MIB1: variants seen among roughly 807,000 people sequenced by gnomAD.
The protein encoded by MIB1 is E3 ubiquitin-protein ligase MIB1.
In MIB1, 278 loss-of-function variants were observed where a neutral mutation model predicts 124.5. The observed-to-expected ratio is 2.23, with a 90% confidence interval of 2.02 to 2.47. The LOEUF is 2.47. Ranked by LOEUF, MIB1 falls within the 30% of genes most tolerant of loss-of-function variation. The probability of loss-of-function intolerance (pLI) is 0.00; values close to 1 mark genes in which losing one functional copy is unlikely to be tolerated. For missense variants in MIB1, 957 were observed against 1,254.4 expected, an observed-to-expected ratio of 0.76 and a Z score of 3.58; for synonymous variants, 446 against 429.4, an observed-to-expected ratio of 1.04 and a Z score of -0.48.
chr18:21,752,310 T>C (rs2040983768), intron 1 of MIB1, among the ~76,000 whole-genome samples: 1 of 152,204 alleles, frequency 6.6e-6, no homozygotes, highest in South Asian at 2.1e-4. Flanking sequence ...ATTACTGAAA[T>C]GTTACATGCT....
chr18:21,815,166 G>C (rs1488047253), intron 10 of MIB1, among the ~76,000 whole-genome samples: 1 of 149,162 alleles, frequency 6.7e-6, no homozygotes, highest in African/African-American at 2.5e-5. Context: ...CAGTTTCTAG[G>C]TTTTAAAAAA....
intron 9 of MIB1, 122 bp downstream of exon 9, chr18:21,800,096 G>C (rs1404447790): frequency 2.6e-6 from 2 of 757,798 alleles, no homozygotes; most frequent in Admixed American, 3.1e-5. Flanking sequence ...TCTTGTTTTT[G>C]TGAAGTATTT....
chr18:21,711,630 T>C (rs1294514756), intron 1 of MIB1, among the ~76,000 whole-genome samples: 1 of 152,094 alleles, frequency 6.6e-6, no homozygotes, highest in African/African-American at 2.4e-5. Flanking sequence ...CTAAAGAGGA[T>C]AAAGCCGATG....
At chr18:21,793,495 T>A (rs1171953522) in intron 7 of MIB1, among the ~76,000 whole-genome samples, 1 of 152,090 alleles carries the variant, frequency 6.6e-6, no homozygotes, top group Non-Finnish European at 1.5e-5. Context: ...AGTGAAAGTA[T>A]ATCAGGCCAG....
chr18:21,843,139 A>G lies in MIB1; in HGVS notation c.1971A>G (p.Ala657=), dbSNP rs776173784. Residue 657 remains alanine (A), a synonymous_variant, in exon 14 of 21, where the codon GCA becomes GCG. Coordinates refer to ENST00000261537, the MANE Select transcript of MIB1 (RefSeq NM_020774.4). ...VAELLVHQGN[A]NLDIQNVNQQ... ...TTGTTCTTCTCGTTCAGGGTAATGC[A>G]AACCTGGATATCCAGAATGTGAACC... 2.5e-6 allele frequency: 4 copies of G among 1,602,374 alleles called. No homozygotes were observed. Among genetic ancestry groups the G allele is most frequent in the South Asian group, 1.1e-5 (1 of 88,330 alleles).
At chr18:21,721,730 G>A (rs531772891) in intron 1 of MIB1, among the ~76,000 whole-genome samples, 3 of 152,214 alleles carry the variant, frequency 2.0e-5, no homozygotes, top group Non-Finnish European at 2.9e-5. Flanking sequence ...CTCTTTTAGA[G>A]TATAATTATG....
At chr18:21,832,790 T>C (rs933718126) in intron 12 of MIB1, among the ~76,000 whole-genome samples, 4 of 152,196 alleles carry the variant, frequency 2.6e-5, no homozygotes, top group African/African-American at 7.2e-5. Context: ...TTCCTAGATA[T>C]TGAAATAATT....
chr18:21,779,635 T>G lies in MIB1; in HGVS notation c.858T>G (p.Cys286Trp), dbSNP rs754018807. The change falls in exon 6 of 21, where the codon TGT becomes TGG. Residue 286 changes from cysteine to tryptophan, a missense_variant. Cys to Trp is a radical substitution (Grantham distance 215). Coordinates refer to ENST00000261537, the MANE Select transcript of MIB1 (RefSeq NM_020774.4). ...CTTTAACTACAACTGGAACTGTTTG[T>G]GGCATTGATGAAGATCATGACATTG... ...FETLTTTGTV[C>W]GIDEDHDIVV... is the part of the protein sequence containing the mutation. 6.2e-7 allele frequency: 1 copy of G among 1,614,156 alleles called. No homozygotes were observed. Among genetic ancestry groups the G allele is most frequent in the Non-Finnish European group, 8.5e-7 (1 of 1,179,998 alleles).
chr18:21,707,395 C>T (rs184151381), intron 1 of MIB1, among the ~76,000 whole-genome samples: 347 of 152,228 alleles, frequency 2.3e-3, no homozygotes, highest in Admixed American at 4.6e-3. Context: ...TGGGTGGGGC[C>T]GATAAGGGAA....
intron 10 of MIB1, among the ~76,000 whole-genome samples, chr18:21,810,908 G>A (rs1227976909): frequency 6.6e-6 from 1 of 151,904 alleles, no homozygotes; most frequent in Non-Finnish European, 1.5e-5. Flanking sequence ...TAAAAACAAC[G>A]TGTATCAAAG....
At position 21,724,728 on chromosome 18, in the gene MIB1, ATATATATATATATATAT is replaced by A. The variant is rs1239747229; in HGVS notation, n.167+19606_167+19622del. Among the ~76,000 whole-genome samples the A allele has an allele frequency of 1.1e-3, 21 of 18,836 alleles. 2 individuals carry two copies. Among genetic ancestry groups the A allele is most frequent in the African/African-American group, 3.9e-3 (18 of 4,670 alleles). The allele number at this position is 18,836 out of a possible 152,430, so 12.4% of individuals were successfully genotyped here. A position where few individuals can be genotyped will look rare whatever the true frequency, so the allele number is the denominator to read the frequency against. Reference sequence around the variant, plus strand: ...TCCCCCATCCAAAAAAAAAAAAAAAATATATATATATATATATATATATATATATATATATATATATA... The same window carrying A: ...TCCCCCATCCAAAAAAAAAAAAAAAAATATATATATATATATATATATATA... On this transcript the variant is annotated intron_variant and non_coding_transcript_variant, in intron 1 of 20. Transcript: ENST00000578646.
intron 6 of MIB1, among the ~76,000 whole-genome samples, chr18:21,790,164 G>T (rs1003224461): frequency 3.3e-5 from 5 of 152,218 alleles, no homozygotes; most frequent in Non-Finnish European, 7.3e-5. Context: ...TGGCAATGGT[G>T]TGGGGAAATG....
At position 21,866,845 on chromosome 18, in the gene MIB1, T is replaced by C. The variant is rs929090846; in HGVS notation, c.*2179T>C. On this transcript the variant is annotated 3_prime_UTR_variant, in exon 21 of 21. Transcript: ENST00000261537. ...TTGTATCACCTTGAAATTTGTTCCA[T>C]GAATAGAAAATACTTCTTTATTCAT... 6.6e-6 allele frequency: 1 copy of C among 152,590 alleles called. No homozygotes were observed. 9.5% of individuals were successfully genotyped at this position (152,590 alleles called of 1,614,324 possible).
intron 9 of MIB1, among the ~76,000 whole-genome samples, chr18:21,801,676 T>A (rs1037029091): frequency 6.6e-6 from 1 of 152,194 alleles, no homozygotes; most frequent in Non-Finnish European, 1.5e-5. Flanking sequence ...TTTCATTTGT[T>A]AGTAATCTGT....
At chr18:21,829,163 A>G (rs2041955833) in intron 12 of MIB1, 1 of 403,412 alleles carries the variant, frequency 2.5e-6, no homozygotes, top group African/African-American at 2.2e-5. Context: ...CAGCTTACTA[A>G]TGTAGAGCAA....
At chr18:21,774,660 C>T (rs1406242163) in intron 4 of MIB1, among the ~76,000 whole-genome samples, 4 of 152,040 alleles carry the variant, frequency 2.6e-5, no homozygotes, top group Non-Finnish European at 5.9e-5. Context: ...ATATTAATGC[C>T]TTTCACATCC....
intron 6 of MIB1, among the ~76,000 whole-genome samples, chr18:21,785,320 G>C (rs911791919): frequency 6.6e-6 from 1 of 152,128 alleles, no homozygotes; most frequent in African/African-American, 2.4e-5. Context: ...AAGCCCAGCT[G>C]TCTTTTCTTC....
intron 20 of MIB1, among the ~76,000 whole-genome samples, chr18:21,859,488 C>A (rs567630458): frequency 6.6e-6 from 1 of 151,840 alleles, no homozygotes; most frequent in South Asian, 2.1e-4. Context: ...AGTCTGGATG[C>A]TCTGTTTCTT....
At chr18:21,724,712 CAAAAAAAA>C (rs1193584277) in intron 1 of MIB1, among the ~76,000 whole-genome samples, 4 of 20,746 alleles carry the variant, frequency 1.9e-4, no homozygotes, top group Admixed American at 9.6e-4. Context: ...CTCCCCCATC[CAAAAAAAA>C]AAAAAAAATA....
Sources: allele counts gnomAD v4.1 joint callset (sites outside exome capture counted in the v4.1 genomes callset), GRCh38; gene constraint gnomAD v4.1.1; transcripts MANE v1.5; gene names NCBI Gene and HGNC (gene_info 2026-07-23, HGNC 2026-07-21).